The following JPH4 variants were observed in gnomAD, a reference collection of about 807,000 sequenced individuals.
JPH4 encodes junctophilin 4.
JPH4 carries 18 observed loss-of-function variants against 57.6 expected under a neutral mutation model. The observed-to-expected ratio is 0.31, with a 90% CI of 0.22 to 0.46. JPH4 has a LOEUF of 0.46. Ranked by LOEUF, JPH4 falls within the 20% of genes least tolerant of loss-of-function variation. The probability of loss-of-function intolerance (pLI) is 1.00; values close to 1 mark genes in which losing one functional copy is unlikely to be tolerated. For synonymous variants in JPH4, 425 were observed against 406.6 expected, an observed-to-expected ratio of 1.05 and a Z score of -0.54; for missense variants, 727 against 911.1, an observed-to-expected ratio of 0.80 and a Z score of 2.60.
rs967549104 is a variant in JPH4, at chr14:23,571,522, C to T, written c.1271-62G>A. On this transcript the variant is annotated intron_variant, in intron 4 of 5. Coordinates refer to ENST00000356300, the MANE Select transcript of JPH4 (RefSeq NM_001146028.2). This position sits in a 1 kb window ranked among gnomAD's most constrained non-coding sequence, Gnocchi z 4.6. ...TGGCCTTGGGCTGGAGTGGCTGCAG[C>T]TTTATTCCTGACTGGGCACTTCCCA... 1.3e-6 allele frequency: 2 copies of T among 1,552,740 alleles called. No homozygotes were observed. Among genetic ancestry groups the T allele is most frequent in the African/African-American group, 2.7e-5 (2 of 73,492 alleles).
chr14:23,577,221 T>C lies in JPH4; in HGVS notation c.233A>G (p.Lys78Arg). The C allele has an allele frequency of 6.5e-7, 1 of 1,537,084 alleles. No homozygotes were observed. Among genetic ancestry groups the C allele is most frequent in the Non-Finnish European group, 8.7e-7 (1 of 1,145,940 alleles). The change falls in exon 2 of 6, where the codon AAG (lysine) becomes AGG (arginine). Residue 78 changes from lysine (K) to arginine (R), a missense_variant. Physicochemically the swap from Lys to Arg is conservative, Grantham distance 26. This residue lies in a region of JPH4 where 83 missense variants were observed against 135.4 expected (regional missense o/e 0.61). Transcript: ENST00000356300. The surrounding 1 kb of genome is among the most constrained non-coding windows in gnomAD (Gnocchi z 8.4). ...CTCGCCGCGGTACGTCCAGCGGCTCTTGCGCTCCACGCCCAGCCCTTCGCG... is the reference window on the plus strand; with the variant it reads ...CTCGCCGCGGTACGTCCAGCGGCTCCTGCGCTCCACGCCCAGCCCTTCGCG... ...GKREGLGVERKSRWTYRGEWL... is the reference protein window; with the variant it reads ...GKREGLGVERRSRWTYRGEWL...
chr14:23,568,250 G>C lies in JPH4; in HGVS notation c.*1384C>G, dbSNP rs1888871418. The C allele has an allele frequency of 3.0e-6, 3 of 985,742 alleles. 1 individual carries two copies. In the Admixed American group the frequency reaches 1.8e-4, roughly 61 times the overall value. 61.1% of individuals were successfully genotyped at this position (985,742 alleles called of 1,614,324 possible). A position where few individuals can be genotyped will look rare whatever the true frequency, so the allele number is the denominator to read the frequency against. Reference sequence around the variant, plus strand: ...ACTAGAAAAAAAGAAGAGGGTATGTGTGGTGGGCATTCCTGGGCAAGGCCA... The same window carrying C: ...ACTAGAAAAAAAGAAGAGGGTATGTCTGGTGGGCATTCCTGGGCAAGGCCA... On this transcript the variant is annotated 3_prime_UTR_variant, in exon 6 of 6. Coordinates refer to ENST00000356300, the MANE Select transcript of JPH4 (RefSeq NM_001146028.2).
chr14:23,569,507 GA>G lies in JPH4; in HGVS notation c.*126del. 1.4e-6 allele frequency: 1 copy of G among 708,492 alleles called. No individual in the cohort carries two copies. Among genetic ancestry groups the G allele is most frequent in the Admixed American group, 2.4e-5 (1 of 41,670 alleles). 43.9% of individuals were successfully genotyped at this position (708,492 alleles called of 1,614,324 possible). A position where few individuals can be genotyped will look rare whatever the true frequency, so the allele number is the denominator to read the frequency against. ...CGAGAGAAAAAAACAAAGGAGCACAGAAAAGAAAGGAAGAAGAGAAAGAAAG... is the reference window on the plus strand; with the variant it reads ...CGAGAGAAAAAAACAAAGGAGCACAGAAAGAAAGGAAGAAGAGAAAGAAAG... On this transcript the variant is annotated 3_prime_UTR_variant, in exon 6 of 6. Transcript: ENST00000356300. This position sits in a 1 kb window ranked among gnomAD's most constrained non-coding sequence, Gnocchi z 4.8.
At position 23,569,785 on chromosome 14, in the gene JPH4, G is replaced by T; in HGVS notation, c.1804-68C>A. On this transcript the variant is annotated intron_variant, in intron 5 of 5. Coordinates refer to ENST00000356300, the MANE Select transcript of JPH4 (RefSeq NM_001146028.2). This position sits in a 1 kb window ranked among gnomAD's most constrained non-coding sequence, Gnocchi z 4.8. Reference sequence around the variant, plus strand: ...GGGCCCACCTTCCTGCCCTGACTGAGGTGGCAGAGCTGAAGGGTCTCAGGC... The same window carrying T: ...GGGCCCACCTTCCTGCCCTGACTGATGTGGCAGAGCTGAAGGGTCTCAGGC... 9.4e-7 allele frequency: 1 copy of T among 1,068,450 alleles called. No individual in the cohort carries two copies. The highest frequency in any genetic ancestry group is 1.5e-5 in the South Asian group (1 of 65,788). The allele number at this position is 1,068,450 out of a possible 1,614,324, so 66.2% of individuals were successfully genotyped here.
At chr14:23,573,092 C>A in intron 3 of JPH4, 1 of 626,756 alleles carries the variant, frequency 1.6e-6, no homozygotes. Flanking sequence ...CCTCTGGCCA[C>A]AGGCCTGTTC....
At chr14:23,570,890 G>A in intron 5 of JPH4, 38 bp downstream of exon 5, 2 of 1,477,882 alleles carry the variant, frequency 1.4e-6, no homozygotes, top group Non-Finnish European at 9.0e-7. Context: ...GCAAGGCTTT[G>A]GGAGAAGAGG....
Position 23,577,401 on chromosome 14 carries a change from C to A in JPH4, c.53G>T (p.Gly18Val). 1 of 1,469,652 alleles carries A rather than the reference C, an allele frequency of 6.8e-7. No individual in the cohort carries two copies. Among genetic ancestry groups the A allele is most frequent in the Admixed American group, 2.4e-5 (1 of 41,678 alleles). 91.0% of individuals were successfully genotyped at this position (1,469,652 alleles called of 1,614,324 possible). Residue 18 changes from glycine to valine, a missense_variant, in exon 2 of 6, where the codon GGC becomes GTC. Transcript: ENST00000356300. The surrounding 1 kb of genome is among the most constrained non-coding windows in gnomAD (Gnocchi z 8.4). The part of the protein sequence containing the change: ...DFDDGGCYVG[G>V]WEAGRAHGYG... The stretch of plus-strand genomic sequence containing the variant: ...GCCATGTGCCCGCCCCGCCTCCCAG[C>A]CCCCCACGTAGCAGCCCCCGTCGTC...
At position 23,576,461 on chromosome 14, in the gene JPH4, G is replaced by A; in HGVS notation, c.380-5C>T. On this transcript the variant is annotated splice_polypyrimidine_tract_variant and splice_region_variant and intron_variant, in intron 2 of 5. Transcript: ENST00000356300. This position sits in a 1 kb window ranked among gnomAD's most constrained non-coding sequence, Gnocchi z 8.0. ...GCCACTGGCCCTGGTAGGTGCCTGC[G>A]GGCGGCGGAGGGGTGGGAGAAAGAG... 2 of 1,406,094 alleles carry A rather than the reference G, an allele frequency of 1.4e-6. No individual in the cohort carries two copies. The highest frequency in any genetic ancestry group is 1.8e-6 in the Non-Finnish European group (2 of 1,088,238). 87.1% of individuals were successfully genotyped at this position (1,406,094 alleles called of 1,614,324 possible). A position where few individuals can be genotyped will look rare whatever the true frequency, so the allele number is the denominator to read the frequency against.
chr14:23,570,507 G>A (rs935877092), intron 5 of JPH4, among the ~76,000 whole-genome samples: 15 of 151,938 alleles, frequency 9.9e-5, no homozygotes, highest in Admixed American at 2.0e-4. Flanking sequence ...AAGTAGCTGG[G>A]ACTACAGGCG....
chr14:23,577,081 C>T lies in JPH4; in HGVS notation c.373G>A (p.Asp125Asn). The T allele has an allele frequency of 6.5e-7, 1 of 1,530,824 alleles. No homozygotes were observed. Among genetic ancestry groups the T allele is most frequent in the Non-Finnish European group, 8.8e-7 (1 of 1,140,696 alleles). 94.8% of individuals were successfully genotyped at this position (1,530,824 alleles called of 1,614,324 possible). Residue 125 changes from aspartate to asparagine, a missense_variant, in exon 2 of 6, where the codon GAC (aspartate) becomes AAC (asparagine). Coordinates refer to ENST00000356300, the MANE Select transcript of JPH4 (RefSeq NM_001146028.2). The surrounding 1 kb of genome is among the most constrained non-coding windows in gnomAD (Gnocchi z 8.4). The stretch of plus-strand genomic sequence containing the variant: ...GGTGGGCCGGGCCCCGCACCTCCGT[C>T]GGAGTAGGTCTCAGTGCCGTAGCCG... Reference protein sequence around the residue: ...QDGYGTETYSDGGTYQGQWQA... With the variant: ...QDGYGTETYSNGGTYQGQWQA...
rs1455029711 is a variant in JPH4, at chr14:23,568,511, G to GAAA, written c.*1122_*1123insTTT. ...GAAGCATGTGAGATCAGCTATCTTT[G>GAAA]ATCCCCTCCTTCTGTTGTTTTCCCA... On this transcript the variant is annotated 3_prime_UTR_variant, in exon 6 of 6. Transcript: ENST00000356300. The GAAA allele has an allele frequency of 3.0e-6, 3 of 985,634 alleles. No homozygotes were observed. The East Asian group carries it at 3.4e-4, about 112-fold the overall frequency. The allele number at this position is 985,634 out of a possible 1,614,324, so 61.1% of individuals were successfully genotyped here.
Position 23,571,737 on chromosome 14 carries a change from C to G in JPH4, c.1270+65G>C. On this transcript the variant is annotated intron_variant, in intron 4 of 5. Transcript: ENST00000356300. This position sits in a 1 kb window ranked among gnomAD's most constrained non-coding sequence, Gnocchi z 4.6. ...TTGCAGGGCTTCTCATCTGTTTCCC[C>G]ACACCTGAGCCTCTCTAGCTCCCTA... 1.4e-6 allele frequency: 2 copies of G among 1,437,904 alleles called. No individual in the cohort carries two copies. The highest frequency in any genetic ancestry group is 9.7e-7 in the Non-Finnish European group (1 of 1,033,048). 89.1% of individuals were successfully genotyped at this position (1,437,904 alleles called of 1,614,324 possible). A position where few individuals can be genotyped will look rare whatever the true frequency, so the allele number is the denominator to read the frequency against.
In JPH4 at chr14:23,577,085, G is replaced by A. The variant is rs760702241; in HGVS notation, c.369C>T (p.Tyr123=). Reference sequence around the variant, plus strand: ...GGCCGGGCCCCGCACCTCCGTCGGAGTAGGTCTCAGTGCCGTAGCCGTCCT... The same window carrying A: ...GGCCGGGCCCCGCACCTCCGTCGGAATAGGTCTCAGTGCCGTAGCCGTCCT... The part of the protein sequence containing the change: ...GFQDGYGTET[Y]SDGGTYQGQW... The change falls in exon 2 of 6, where the codon TAC becomes TAT. Residue 123 remains tyrosine, a synonymous_variant. Transcript: ENST00000356300. This position sits in a 1 kb window ranked among gnomAD's most constrained non-coding sequence, Gnocchi z 8.4. 6.5e-7 allele frequency: 1 copy of A among 1,547,308 alleles called. No individual in the cohort carries two copies. The highest frequency in any genetic ancestry group is 8.7e-7 in the Non-Finnish European group (1 of 1,150,508).
At position 23,568,361 on chromosome 14, in the gene JPH4, C is replaced by G. The variant is rs1888884308; in HGVS notation, c.*1273G>C. The G allele has an allele frequency of 1.0e-6, 1 of 985,720 alleles. No individual in the cohort carries two copies. Among genetic ancestry groups the G allele is most frequent in the Non-Finnish European group, 1.2e-6 (1 of 829,940 alleles). 61.1% of individuals were successfully genotyped at this position (985,720 alleles called of 1,614,324 possible). A position where few individuals can be genotyped will look rare whatever the true frequency, so the allele number is the denominator to read the frequency against. ...AGATCCCCTGGGGACCCTGCAGTCC[C>G]CTCTTCCTAGGGCTTCCTGCTCCCA... On this transcript the variant is annotated 3_prime_UTR_variant, in exon 6 of 6. Transcript: ENST00000356300.
At chr14:23,572,801 C>A in intron 3 of JPH4, 5 of 694,972 alleles carry the variant, frequency 7.2e-6, no homozygotes, top group Admixed American at 2.0e-5. Flanking sequence ...TCTGGCTAAA[C>A]CCTTAGTCTC....
chr14:23,577,692 C>T lies in JPH4; in HGVS notation c.-171-68G>A. 1 of 398,494 alleles carries T rather than the reference C, an allele frequency of 2.5e-6. No homozygotes were observed. The highest frequency in any genetic ancestry group is 4.4e-6 in the Non-Finnish European group (1 of 225,540). The allele number at this position is 398,494 out of a possible 1,614,324, so 24.7% of individuals were successfully genotyped here. On this transcript the variant is annotated intron_variant, in intron 1 of 5. Coordinates refer to ENST00000356300, the MANE Select transcript of JPH4 (RefSeq NM_001146028.2). This position sits in a 1 kb window ranked among gnomAD's most constrained non-coding sequence, Gnocchi z 8.4. Reference sequence around the variant, plus strand: ...CTCCTCTTTGCCCGCCGCTCCCTGGCCCGGTGGCTCTGGGGCATCAGCGCC... The same window carrying T: ...CTCCTCTTTGCCCGCCGCTCCCTGGTCCGGTGGCTCTGGGGCATCAGCGCC...
rs772267384 is a variant in JPH4, at chr14:23,575,856, C to T, written c.980G>A (p.Arg327His). The T allele has an allele frequency of 5.1e-6, 8 of 1,580,546 alleles. No homozygotes were observed. The Admixed American group carries it at 7.0e-5, about 14-fold the overall frequency. Reference sequence around the variant, plus strand: ...GTTGCGCTTGTACTTGCCCTCCTCGCGGGAGCCGTCGGGGCGGGTGGTGCG... The same window carrying T: ...GTTGCGCTTGTACTTGCCCTCCTCGTGGGAGCCGTCGGGGCGGGTGGTGCG... ...YGRTTRPDGS[R>H]EEGKYKRNRL... The change falls in exon 3 of 6, where the codon CGC (arginine) becomes CAC (histidine). Residue 327 changes from arginine to histidine, a missense_variant. Coordinates refer to ENST00000356300, the MANE Select transcript of JPH4 (RefSeq NM_001146028.2). This position sits in a 1 kb window ranked among gnomAD's most constrained non-coding sequence, Gnocchi z 6.9.
At position 23,571,429 on chromosome 14, in the gene JPH4, G is replaced by A. The variant is rs182379018; in HGVS notation, c.1302C>T (p.Ser434=). The change falls in exon 5 of 6, where the codon TCC becomes TCT. Residue 434 remains serine, a synonymous_variant. Coordinates refer to ENST00000356300, the MANE Select transcript of JPH4 (RefSeq NM_001146028.2). This position sits in a 1 kb window ranked among gnomAD's most constrained non-coding sequence, Gnocchi z 4.6. The part of the protein sequence containing the change: ...GRRPRQDSEG[S]DTEPLDEDSP... The stretch of plus-strand genomic sequence containing the variant: ...TGTCCTCATCCAGGGGCTCCGTGTC[G>A]GAACCTTCTGAGTCCTGCCTGGGTC... The A allele has an allele frequency of 3.2e-5, 51 of 1,599,366 alleles. No homozygotes were observed. The African/African-American group carries it at 4.8e-4, about 15-fold the overall frequency.
At position 23,569,681 on chromosome 14, in the gene JPH4, G is replaced by A; in HGVS notation, c.1840C>T (p.Leu614Phe). 1 of 1,552,298 alleles carries A rather than the reference G, an allele frequency of 6.4e-7. No homozygotes were observed. Among genetic ancestry groups the A allele is most frequent in the South Asian group, 1.2e-5 (1 of 84,062 alleles). Residue 614 changes from leucine (L) to phenylalanine (F), a missense_variant, in exon 6 of 6, where the codon CTC (leucine) becomes TTC (phenylalanine). By Grantham distance (22) the Leu-to-Phe change is conservative (BLOSUM62 0). Around this residue, in one of 7 missense-constraint regions of JPH4, gnomAD observed 12 missense variants for 29.5 expected, o/e 0.41. Transcript: ENST00000356300. This position sits in a 1 kb window ranked among gnomAD's most constrained non-coding sequence, Gnocchi z 4.8. ...AGGAATGCCAGGCTGAGGTCCAGGA[G>A]GGCCACGGCTCCCACCACCAGGGGG... is the stretch of plus-strand genomic sequence containing the variant. The part of the protein sequence containing the change: ...ANPLVVGAVA[L>F]LDLSLAFLFS...
Sources: allele counts gnomAD v4.1 joint callset (sites outside exome capture counted in the v4.1 genomes callset), GRCh38; gene constraint gnomAD v4.1.1; regional missense constraint gnomAD v4.1.1; non-coding constraint Gnocchi (gnomAD v3.1); transcripts MANE v1.5; gene names NCBI Gene and HGNC (gene_info 2026-07-23, HGNC 2026-07-21).